Variants in DNAH10 observed in about 807,000 individuals in gnomAD.
DNAH10 encodes axonemal beta dynein heavy chain 10.
A neutral mutation model predicts 506.6 loss-of-function variants in DNAH10; 348 were observed. The ratio of observed to expected loss-of-function variants is 0.69; its 90% CI spans 0.63 to 0.75. The LOEUF is 0.75. Ranked by LOEUF, DNAH10 falls within the 30% of genes least tolerant of loss-of-function variation. The probability of loss-of-function intolerance (pLI) is 0.00; values close to 1 mark genes in which losing one functional copy is unlikely to be tolerated. For synonymous variants in DNAH10, 2,059 were observed against 2,198.6 expected, an observed-to-expected ratio of 0.94 and a Z score of 1.78; for missense variants, 5,179 against 5,787.1, an observed-to-expected ratio of 0.89 and a Z score of 3.41.
Position 123,787,559 on chromosome 12 carries a change from C to G in DNAH10, c.1422-245C>G, listed in dbSNP as rs920195993. On this transcript the variant is annotated intron_variant, in intron 9 of 78. Transcript: ENST00000673944. The surrounding 1 kb of genome is among the most constrained non-coding windows in gnomAD (Gnocchi z 4.6). ...CCCCTTCTGGTGTAGGGAGCGAGGTCACCAGGTAGCCCCAGCCCTGCACGC... is the reference window on the plus strand; with the variant it reads ...CCCCTTCTGGTGTAGGGAGCGAGGTGACCAGGTAGCCCCAGCCCTGCACGC... Among the ~76,000 whole-genome samples the G allele has an allele frequency of 2.0e-5, 3 of 152,232 alleles. No individual in the cohort carries two copies. The highest frequency in any genetic ancestry group is 4.4e-5 in the Non-Finnish European group (3 of 68,026).
Position 123,928,344 on chromosome 12 carries a change from T to C in DNAH10, c.12106-43T>C. ...GGTCTCTGGAGAGCACGGGGTTGGGTTTGGATGCCAACCCCTCTCCTCTTC... is the reference window on the plus strand; with the variant it reads ...GGTCTCTGGAGAGCACGGGGTTGGGCTTGGATGCCAACCCCTCTCCTCTTC... On this transcript the variant is annotated intron_variant, in intron 69 of 78. Transcript: ENST00000673944. The surrounding 1 kb of genome is among the most constrained non-coding windows in gnomAD (Gnocchi z 4.9). 6.5e-7 allele frequency: 1 copy of C among 1,547,414 alleles called. No individual in the cohort carries two copies. Among genetic ancestry groups the C allele is most frequent in the Non-Finnish European group, 8.7e-7 (1 of 1,146,252 alleles).
At chr12:123,826,616 A>G in intron 24 of DNAH10, 71 bp from the exon 25 acceptor site, 1 of 1,412,774 alleles carries the variant, frequency 7.1e-7, no homozygotes, top group South Asian at 1.3e-5. Context: ...ACTAAGAGTC[A>G]AGAACTTGCT....
chr12:123,932,175 C>G, intron 76 of DNAH10, 67 bp downstream of exon 76: 1 of 1,582,246 alleles, frequency 6.3e-7, no homozygotes, highest in Non-Finnish European at 8.6e-7. Context: ...CAAACCACCT[C>G]CCAATCCCCT....
chr12:123,858,537 A>C (rs1951489337), intron 37 of DNAH10, among the ~76,000 whole-genome samples: 1 of 152,246 alleles, frequency 6.6e-6, no homozygotes, highest in Admixed American at 6.5e-5. Flanking sequence ...GTTCCTCAAC[A>C]GGTTAAACCG....
chr12:123,873,263 C>G (rs1027487859), intron 45 of DNAH10, among the ~76,000 whole-genome samples: 1 of 152,190 alleles, frequency 6.6e-6, no homozygotes, highest in African/African-American at 2.4e-5. Context: ...TTTTGGAAGT[C>G]GCCTTGCTAG....
chr12:123,766,040 A>G (rs1307339805), intron 1 of DNAH10, among the ~76,000 whole-genome samples: 2 of 151,900 alleles, frequency 1.3e-5, no homozygotes, highest in Admixed American at 1.3e-4. Flanking sequence ...ATCTCTGTCT[A>G]TACATCTATC....
intron 56 of DNAH10, among the ~76,000 whole-genome samples, chr12:123,900,622 C>T (rs1953476898): frequency 1.3e-5 from 2 of 152,246 alleles, no homozygotes; most frequent in African/African-American, 4.8e-5. Flanking sequence ...CATCTAGGAA[C>T]TCTGTTTCCA....
Position 123,866,071 on chromosome 12 carries a change from A to G in DNAH10, c.7165A>G (p.Lys2389Glu), listed in dbSNP as rs765474862. ...WKKWVNQIPNKVEQYNLNSLF... is the reference protein window; with the variant it reads ...WKKWVNQIPNEVEQYNLNSLF... ...AAAATGGGTTAATCAAATACCAAAC[A>G]AGGTGAAATTTTTTTCTAAAATGAA... Residue 2389 changes from lysine to glutamate, a missense_variant and splice_region_variant, in exon 41 of 79, where the codon AAG becomes GAG. Around this residue, in one of 3 missense-constraint regions of DNAH10, gnomAD observed 4,844 missense variants for 5,430.5 expected, o/e 0.89. Transcript: ENST00000673944. The G allele has an allele frequency of 1.4e-5, 23 of 1,601,494 alleles. 1 individual carries two copies. In the South Asian group the frequency reaches 2.6e-4, roughly 18 times the overall value.
At position 123,913,770 on chromosome 12, in the gene DNAH10, G is replaced by A. The variant is rs1479574724; in HGVS notation, c.10352+455G>A. ...CTGTTTGATATTTATGGGCAAGACCGCTTGGCCACAGCTTATTCACCAAAT... is the reference window on the plus strand; with the variant it reads ...CTGTTTGATATTTATGGGCAAGACCACTTGGCCACAGCTTATTCACCAAAT... On this transcript the variant is annotated intron_variant, in intron 60 of 78. Coordinates refer to ENST00000673944, the MANE Select transcript of DNAH10 (RefSeq NM_001372106.1). The surrounding 1 kb of genome is among the most constrained non-coding windows in gnomAD (Gnocchi z 5.1). Among the ~76,000 whole-genome samples the A allele has an allele frequency of 6.6e-6, 1 of 152,192 alleles. No individual in the cohort carries two copies.
At chr12:123,893,101 G>A in intron 52 of DNAH10, 132 bp from the exon 53 acceptor site, 1 of 943,668 alleles carries the variant, frequency 1.1e-6, no homozygotes, top group Non-Finnish European at 1.6e-6. Context: ...TCGGGTCTCA[G>A]GTCAGGCCCA....
At chr12:123,867,389 G>A (rs1951853008) in intron 41 of DNAH10, 78 bp from the exon 42 acceptor site, 1 of 1,491,074 alleles carries the variant, frequency 6.7e-7, no homozygotes, top group African/African-American at 1.4e-5. Flanking sequence ...AACCCTCTTT[G>A]GGCAAGAAAA....
At chr12:123,865,725 A>T (rs1951778902) in intron 40 of DNAH10, among the ~76,000 whole-genome samples, 1 of 152,222 alleles carries the variant, frequency 6.6e-6, no homozygotes, top group Non-Finnish European at 1.5e-5. Flanking sequence ...ATTAATTTTC[A>T]CATTAATTTT....
intron 19 of DNAH10, among the ~76,000 whole-genome samples, chr12:123,810,647 C>G (rs906808924): frequency 1.3e-5 from 2 of 151,844 alleles, no homozygotes; most frequent in African/African-American, 4.8e-5. Flanking sequence ...GAGCCGAGAT[C>G]GCACCACTGC....
intron 78 of DNAH10, 91 bp from the exon 79 acceptor site, chr12:123,935,244 C>T: frequency 1.3e-6 from 2 of 1,495,262 alleles, no homozygotes; most frequent in Non-Finnish European, 1.8e-6. Flanking sequence ...TGCACAGGGG[C>T]CCCTGCCTGT....
chr12:123,797,487 G>A lies in DNAH10; in HGVS notation c.2163+655G>A, dbSNP rs557677115. Among the ~76,000 whole-genome samples the A allele has an allele frequency of 2.7e-3, 407 of 152,044 alleles. 1 individual carries two copies. The highest frequency in any genetic ancestry group is 9.5e-3 in the African/African-American group (395 of 41,484). On this transcript the variant is annotated intron_variant, in intron 13 of 78. Transcript: ENST00000673944. The stretch of plus-strand genomic sequence containing the variant: ...AGCTCACTGCAGCCTTGACCTTCTG[G>A]GTTTAAGCGATCCTCCTGCCTCAGC...
rs374560215 is a variant in DNAH10 at position 123,914,443 on chromosome 12, C to A, written c.10467C>A (p.Asp3489Glu). The change falls in exon 61 of 79, where the codon GAC becomes GAA. Residue 3489 changes from aspartate to glutamate, a missense_variant. This residue lies in a region of DNAH10 where 4,844 missense variants were observed against 5,430.5 expected (regional missense o/e 0.89). Coordinates refer to ENST00000673944, the MANE Select transcript of DNAH10 (RefSeq NM_001372106.1). ...GAGCCTTCACCTGGGAGTTCCGTGA[C>A]GAGATGGTCAATCGGATTTGGCAAA... is the stretch of plus-strand genomic sequence containing the variant. ...YEGAFTWEFR[D>E]EMVNRIWQND... 6.2e-7 allele frequency: 1 copy of A among 1,613,694 alleles called. No homozygotes were observed. Among genetic ancestry groups the A allele is most frequent in the Admixed American group, 1.7e-5 (1 of 60,000 alleles).
At chr12:123,842,121 G>A (rs936544202) in intron 30 of DNAH10, among the ~76,000 whole-genome samples, 1 of 152,210 alleles carries the variant, frequency 6.6e-6, no homozygotes, top group Non-Finnish European at 1.5e-5. Flanking sequence ...TGATTCTTGG[G>A]TCTTACCCTG....
Position 123,805,024 on chromosome 12 carries a change from A to G in DNAH10, c.2971A>G (p.Thr991Ala), listed in dbSNP as rs1483106559. ...YWEKKIYEVLTKLILKNLQSF... is the reference protein window; with the variant it reads ...YWEKKIYEVLAKLILKNLQSF... Reference sequence around the variant, plus strand: ...GGAAAAGAAAATTTATGAGGTCCTGACAAAGCTCATCCTGAAGTAAGTTCA... The same window carrying G: ...GGAAAAGAAAATTTATGAGGTCCTGGCAAAGCTCATCCTGAAGTAAGTTCA... The change falls in exon 18 of 79, where the codon ACA becomes GCA. Residue 991 changes from threonine (T) to alanine (A), a missense_variant. Physicochemically the swap from Thr to Ala is moderately conservative, Grantham distance 58. This residue lies in a region of DNAH10 where 4,844 missense variants were observed against 5,430.5 expected (regional missense o/e 0.89). Transcript: ENST00000673944. The G allele has an allele frequency of 6.2e-7, 1 of 1,614,210 alleles. No individual in the cohort carries two copies. The highest frequency in any genetic ancestry group is 1.6e-4 in the Middle Eastern group (1 of 6,062).
Position 123,919,769 on chromosome 12 carries a change from C to T in DNAH10, c.11506+820C>T, listed in dbSNP as rs1954647375. Among the ~76,000 whole-genome samples the T allele has an allele frequency of 2.0e-5, 3 of 152,240 alleles. No individual in the cohort carries two copies. The highest frequency in any genetic ancestry group is 2.1e-4 in the South Asian group (1 of 4,832). ...CCACTCCGTGACCTCACGGTTCATCCGTGTTGCTGCGTGTGTCAGCGCTTC... is the reference window on the plus strand; with the variant it reads ...CCACTCCGTGACCTCACGGTTCATCTGTGTTGCTGCGTGTGTCAGCGCTTC... On this transcript the variant is annotated intron_variant, in intron 65 of 78. Coordinates refer to ENST00000673944, the MANE Select transcript of DNAH10 (RefSeq NM_001372106.1). The surrounding 1 kb of genome is among the most constrained non-coding windows in gnomAD (Gnocchi z 4.9).
Sources: gnomAD v4.1 joint callset for allele counts (sites outside exome capture counted in the v4.1 genomes callset) on GRCh38, gnomAD v4.1.1 for gene constraint, gnomAD v4.1.1 regional missense constraint, Gnocchi (gnomAD v3.1) non-coding constraint, MANE v1.5 for transcripts, NCBI Gene and HGNC (gene_info 2026-07-23, HGNC 2026-07-21) for gene names.